The following WDR59 variants were observed in gnomAD, a reference collection of about 807,000 sequenced individuals.
WDR59 encodes WD repeat domain 59, also known as GATOR2 complex protein WDR59.
Under a neutral mutation model 131.2 loss-of-function variants are expected in WDR59, and 100 were observed. That is an observed-to-expected ratio of 0.76 (90% confidence interval 0.65 to 0.90). WDR59 has a LOEUF of 0.90. WDR59 is among the 40% of genes least tolerant of loss of function. WDR59 has a pLI of 0.00. For missense variants in WDR59, 1,203 were observed against 1,262.2 expected, an observed-to-expected ratio of 0.95 and a Z score of 0.71; for synonymous variants, 601 against 466.2, an observed-to-expected ratio of 1.29 and a Z score of -3.72.
intron 24 of WDR59, 45 bp from the exon 25 acceptor site, chr16:74,885,840 A>G (rs2144792686): frequency 1.2e-6 from 2 of 1,602,308 alleles, no homozygotes. Flanking sequence ...TTTAAGAAAA[A>G]ACAAGCTTCA....
intron 25 of WDR59, among the ~76,000 whole-genome samples, chr16:74,883,430 T>C (rs1964611587): frequency 6.6e-6 from 1 of 152,218 alleles, no homozygotes; most frequent in Non-Finnish European, 1.5e-5. Context: ...GGTTCAGCTT[T>C]ATCATGCCCT....
chr16:74,893,397 G>C (rs1965135776), intron 19 of WDR59, among the ~76,000 whole-genome samples: 1 of 152,124 alleles, frequency 6.6e-6, no homozygotes, highest in Non-Finnish European at 1.5e-5. Flanking sequence ...CATCGGATGA[G>C]ACCACTGCCT....
At chr16:74,956,412 A>C (rs990137640) in intron 3 of WDR59, 63 bp downstream of exon 3, 6 of 1,583,250 alleles carry the variant, frequency 3.8e-6, no homozygotes, top group Non-Finnish European at 5.2e-6. Flanking sequence ...CACAGGGCAT[A>C]GATCTGCCAG....
intron 25 of WDR59, among the ~76,000 whole-genome samples, chr16:74,881,828 G>C (rs1159608570): frequency 7.1e-6 from 1 of 140,050 alleles, no homozygotes; most frequent in Non-Finnish European, 1.5e-5. Flanking sequence ...ACCTGAGATT[G>C]TTCCATTGCA....
At chr16:74,886,999 C>T (rs551775608) in intron 23 of WDR59, among the ~76,000 whole-genome samples, 2 of 152,186 alleles carry the variant, frequency 1.3e-5, no homozygotes, top group African/African-American at 2.4e-5. Context: ...TCATTATTTA[C>T]GAGGACTTTT....
intron 7 of WDR59, 84 bp downstream of exon 7, chr16:74,942,654 C>G: frequency 7.2e-7 from 1 of 1,387,252 alleles, no homozygotes; most frequent in African/African-American, 1.4e-5. Flanking sequence ...GACTCTCAAG[C>G]CAAGTCCTGG....
At chr16:74,964,028 A>T (rs1567436782) in intron 2 of WDR59, among the ~76,000 whole-genome samples, 1 of 151,876 alleles carries the variant, frequency 6.6e-6, no homozygotes, top group Non-Finnish European at 1.5e-5. Flanking sequence ...CCTCATCTCT[A>T]AAAAAAAGAA....
At chr16:74,922,920 A>G (rs2145006970) in intron 9 of WDR59, among the ~76,000 whole-genome samples, 1 of 152,346 alleles carries the variant, frequency 6.6e-6, no homozygotes, top group South Asian at 2.1e-4. Flanking sequence ...TGACAGCCCA[A>G]TGTATAAAGG....
At chr16:74,921,898 T>C in intron 10 of WDR59, 49 bp downstream of exon 10, 1 of 1,591,354 alleles carries the variant, frequency 6.3e-7, no homozygotes. Context: ...CTGGCACCGC[T>C]GTCACCAGAG....
At chr16:74,950,606 C>T (rs2032934551) in intron 4 of WDR59, among the ~76,000 whole-genome samples, 1 of 152,182 alleles carries the variant, frequency 6.6e-6, no homozygotes, top group African/African-American at 2.4e-5. Flanking sequence ...TCACCTTTCC[C>T]AGCACTTCCA....
At chr16:74,912,388 T>C in intron 13 of WDR59, 26 bp from the exon 14 acceptor site, 1 of 1,600,736 alleles carries the variant, frequency 6.2e-7, no homozygotes, top group Non-Finnish European at 8.5e-7. Flanking sequence ...CCACAATTGC[T>C]GTAGAAACAA....
In WDR59 at chr16:74,970,800, C is replaced by A. The variant is rs145588677; in HGVS notation, c.55-4978G>T. ...GGCATGGTGGTGCACACCTATAATC[C>A]CAGGACTTTGGGAAGCCAACGCAGG... On this transcript the variant is annotated intron_variant, in intron 1 of 25. Coordinates refer to ENST00000262144, the MANE Select transcript of WDR59 (RefSeq NM_030581.4). Among the ~76,000 whole-genome samples, 6 of 151,992 alleles carry A rather than the reference C, an allele frequency of 3.9e-5. No homozygotes were observed. The East Asian group carries it at 1.2e-3, about 29-fold the overall frequency.
chr16:74,906,666 C>T (rs1965835413), intron 17 of WDR59, among the ~76,000 whole-genome samples: 3 of 152,172 alleles, frequency 2.0e-5, no homozygotes, highest in African/African-American at 7.2e-5. Context: ...TGCATTCATA[C>T]AATGGACCTG....
chr16:74,915,032 A>C (rs1966295059), intron 13 of WDR59, among the ~76,000 whole-genome samples: 1 of 152,212 alleles, frequency 6.6e-6, no homozygotes, highest in Non-Finnish European at 1.5e-5. Flanking sequence ...ACTTGCCCCC[A>C]AAAAAGTAAC....
At chr16:74,974,914 A>G (rs866493942) in intron 1 of WDR59, among the ~76,000 whole-genome samples, 2 of 152,098 alleles carry the variant, frequency 1.3e-5, no homozygotes, top group African/African-American at 2.4e-5. Flanking sequence ...ACCTCATGCC[A>G]TTTGCCTTTT....
At chr16:74,874,629 C>G (rs1053101683) in intron 25 of WDR59, among the ~76,000 whole-genome samples, 185 bp from the exon 26 acceptor site, 1 of 152,130 alleles carries the variant, frequency 6.6e-6, no homozygotes, top group South Asian at 2.1e-4. Context: ...GAGTTTCACT[C>G]TTGTCACCCA....
intron 8 of WDR59, among the ~76,000 whole-genome samples, chr16:74,930,035 A>AT (rs2031237261): frequency 2.6e-5 from 4 of 152,200 alleles, no homozygotes; most frequent in Non-Finnish European, 2.9e-5. Flanking sequence ...GAGGCTGGGA[A>AT]GCGTAGTGGG....
intron 9 of WDR59, 65 bp downstream of exon 9, chr16:74,923,861 G>T: frequency 1.4e-6 from 2 of 1,401,130 alleles, no homozygotes. Flanking sequence ...AAATGTCCCC[G>T]GGCTCCTTCT....
At chr16:74,958,764 TGAAAGACCACTAAGGAGGC>T (rs1256340620) in intron 2 of WDR59, among the ~76,000 whole-genome samples, 1 of 151,774 alleles carries the variant, frequency 6.6e-6, no homozygotes, top group Non-Finnish European at 1.5e-5. Context: ...GACACCTGTT[TGAAAGACCACTAAGGAGGC>T]CGGGCACAGT....
Sources: allele counts gnomAD v4.1 joint callset (sites outside exome capture counted in the v4.1 genomes callset), GRCh38; gene constraint gnomAD v4.1.1; transcripts MANE v1.5; gene names NCBI Gene and HGNC (gene_info 2026-07-23, HGNC 2026-07-21).